The following RBFOX1 variants were observed in gnomAD, a reference collection of about 807,000 sequenced individuals.
RBFOX1 encodes the protein RNA binding fox-1 homolog 1.
Under a neutral mutation model 57.7 loss-of-function variants are expected in RBFOX1, and 8 were observed. The observed-to-expected ratio is 0.14, with a 90% CI of 0.08 to 0.25. The LOEUF (loss-of-function observed/expected upper bound fraction) is 0.25. Ranked by LOEUF, RBFOX1 falls within the 10% of genes least tolerant of loss-of-function variation. The probability of loss-of-function intolerance (pLI) is 1.00; values close to 1 mark genes in which losing one functional copy is unlikely to be tolerated. For synonymous variants in RBFOX1, 326 were observed against 222.4 expected, an observed-to-expected ratio of 1.47 and a Z score of -4.15; for missense variants, 611 against 548.5, an observed-to-expected ratio of 1.11 and a Z score of -1.14.
intron 3 of RBFOX1, among the ~76,000 whole-genome samples, chr16:6,991,528 G>GT (rs1375617706): frequency 2.0e-5 from 3 of 152,046 alleles, no homozygotes; most frequent in Non-Finnish European, 2.9e-5. Flanking sequence ...CTTCTCAAAT[G>GT]TTTTTTCTTT....
chr16:5,871,798 A>G (rs1455206481), intron 4 of RBFOX1, among the ~76,000 whole-genome samples: 1 of 152,180 alleles, frequency 6.6e-6, no homozygotes, highest in Non-Finnish European at 1.5e-5. Context: ...TCCTGTTGAT[A>G]CTTTAATGGC....
At chr16:7,110,311 T>C (rs2064471899) in intron 4 of RBFOX1, among the ~76,000 whole-genome samples, 1 of 152,014 alleles carries the variant, frequency 6.6e-6, no homozygotes, top group African/African-American at 2.4e-5. Flanking sequence ...TGGTGAACTA[T>C]GATCATGCCA....
chr16:5,541,380 C>T (rs985512247), intron 2 of RBFOX1, among the ~76,000 whole-genome samples: 3 of 151,922 alleles, frequency 2.0e-5, no homozygotes, highest in Admixed American at 1.3e-4. Flanking sequence ...TGACATGTGC[C>T]CAAGGTAGTC....
At chr16:6,314,612 G>C (rs979488346) in intron 1 of RBFOX1, among the ~76,000 whole-genome samples, 1 of 152,142 alleles carries the variant, frequency 6.6e-6, no homozygotes, top group African/African-American at 2.4e-5. Context: ...GATTTAGCTG[G>C]ATCTTAGAAT....
intron 4 of RBFOX1, among the ~76,000 whole-genome samples, chr16:5,976,973 C>G (rs2060076102): frequency 3.9e-5 from 6 of 152,172 alleles, no homozygotes; most frequent in Admixed American, 3.9e-4. Context: ...GTGCACTTCT[C>G]AAAGTCTGAT....
rs190033785 is a variant in RBFOX1, at chr16:5,467,242, G to C, written c.246G>C (p.Leu82=). ...ATCTACTGTGCCTGCCATACAGCCT[G>C]GTTGAGGGTCAGGTAAGTGCTCATT... The change falls in exon 2 of 3, where the codon CTG becomes CTC. Residue 82 remains leucine (L), a synonymous_variant. Transcript: ENST00000585867. 1.0e-4 allele frequency: 151 copies of C among 1,499,166 alleles called. 1 individual carries two copies. In the African/African-American group the frequency reaches 1.7e-3, roughly 17 times the overall value. The allele number at this position is 1,499,166 out of a possible 1,614,324, so 92.9% of individuals were successfully genotyped here.
chr16:7,400,140 C>G (rs1040819609), intron 4 of RBFOX1, among the ~76,000 whole-genome samples: 1 of 152,124 alleles, frequency 6.6e-6, no homozygotes, highest in Non-Finnish European at 1.5e-5. Context: ...CCGGAATTTT[C>G]TGATTCTGCC....
intron 3 of RBFOX1, among the ~76,000 whole-genome samples, chr16:6,656,630 A>T (rs575832983): frequency 2.0e-4 from 30 of 150,158 alleles, no homozygotes; most frequent in African/African-American, 7.4e-4. Context: ...ACACACACAC[A>T]CTTCTAGTTT....
chr16:7,390,550 A>G (rs181191916), intron 4 of RBFOX1, among the ~76,000 whole-genome samples: 1 of 152,316 alleles, frequency 6.6e-6, no homozygotes, highest in Admixed American at 6.5e-5. Flanking sequence ...AATGCACCTA[A>G]AGCATCTTTG....
chr16:5,709,364 C>G (rs1285290715), intron 3 of RBFOX1, among the ~76,000 whole-genome samples: 1 of 152,088 alleles, frequency 6.6e-6, no homozygotes, highest in Non-Finnish European at 1.5e-5. Context: ...TGAGCATGTG[C>G]CTGAATATGA....
At chr16:6,656,186 C>G (rs1343620999) in intron 3 of RBFOX1, among the ~76,000 whole-genome samples, 4 of 152,176 alleles carry the variant, frequency 2.6e-5, no homozygotes, top group Admixed American at 6.5e-5. Context: ...TTCTGCCCAG[C>G]CGAATCATTC....
chr16:6,024,736 G>A lies in RBFOX1; in HGVS notation c.-127+4744G>A, dbSNP rs144706887. Among the ~76,000 whole-genome samples, 1,250 of 152,154 alleles carry A rather than the reference G, an allele frequency of 8.2e-3. 25 individuals carry two copies. Among genetic ancestry groups the A allele is most frequent in the African/African-American group, 0.029 (1,211 of 41,506 alleles). Reference sequence around the variant, plus strand: ...CCTCAAGTGATCCACCCGCCTCCTCGGCCTCTCAAAGTGCTAGGATTACAG... The same window carrying A: ...CCTCAAGTGATCCACCCGCCTCCTCAGCCTCTCAAAGTGCTAGGATTACAG... On this transcript the variant is annotated intron_variant, in intron 1 of 15. Transcript: ENST00000550418.
At chr16:7,504,812 T>A (rs1255247345) in intron 4 of RBFOX1, among the ~76,000 whole-genome samples, 2 of 121,918 alleles carry the variant, frequency 1.6e-5, no homozygotes, top group East Asian at 2.7e-4. Flanking sequence ...TTTATATATA[T>A]ATATATAGTG....
chr16:6,919,526 A>C (rs1198818452), intron 3 of RBFOX1, among the ~76,000 whole-genome samples: 5 of 152,202 alleles, frequency 3.3e-5, no homozygotes, highest in Admixed American at 2.6e-4. Context: ...ATGAAATCCC[A>C]AGAGAGATCC....
intron 1 of RBFOX1, among the ~76,000 whole-genome samples, chr16:6,244,867 T>C (rs2097560613): frequency 6.6e-6 from 1 of 152,204 alleles, no homozygotes; most frequent in African/African-American, 2.4e-5. Flanking sequence ...GATTTGTCTC[T>C]CCTGCTGGTC....
chr16:6,638,433 T>C (rs2098461752), intron 2 of RBFOX1, among the ~76,000 whole-genome samples: 1 of 152,148 alleles, frequency 6.6e-6, no homozygotes. Context: ...TTAAAATTCA[T>C]CCTTAGAGAT....
chr16:7,046,435 G>T (rs1361636517), intron 3 of RBFOX1, among the ~76,000 whole-genome samples: 3 of 152,034 alleles, frequency 2.0e-5, no homozygotes, highest in African/African-American at 7.2e-5. Flanking sequence ...ATGTTAATTA[G>T]CTTGACTTCG....
intron 14 of RBFOX1, among the ~76,000 whole-genome samples, chr16:7,681,302 CAAGG>C (rs1489501433): frequency 6.6e-6 from 1 of 152,028 alleles, no homozygotes; most frequent in Non-Finnish European, 1.5e-5. Context: ...GGGAAGGAAG[CAAGG>C]AAGGGACCAT....
intron 5 of RBFOX1, among the ~76,000 whole-genome samples, chr16:7,543,904 A>C (rs1051095316): frequency 5.3e-5 from 8 of 151,504 alleles, no homozygotes; most frequent in Non-Finnish European, 1.2e-4. Context: ...TATTTTTAGT[A>C]GAGACAGAGT....
Sources: allele counts gnomAD v4.1 joint callset (sites outside exome capture counted in the v4.1 genomes callset), GRCh38; gene constraint gnomAD v4.1.1; transcripts MANE v1.5; gene names NCBI Gene and HGNC (gene_info 2026-07-23, HGNC 2026-07-21).